The following NUP210L variants were observed in gnomAD, a reference collection of about 807,000 sequenced individuals.
NUP210L encodes the protein nuclear pore membrane glycoprotein 210-like.
A neutral mutation model predicts 208.5 loss-of-function variants in NUP210L; 74 were observed. That is an observed-to-expected ratio of 0.35 (90% CI 0.29 to 0.43). NUP210L has a LOEUF of 0.43. Ranked by LOEUF, NUP210L falls within the 20% of genes least tolerant of loss-of-function variation. The pLI, the probability that NUP210L is intolerant of heterozygous loss-of-function variation, is 1.00. For missense variants in NUP210L, 1,843 were observed against 2,289.4 expected (o/e 0.81, Z 3.98); for synonymous variants, 780 against 816.9 (o/e 0.95, Z 0.77).
chr1:154,152,836 A>G, exon 2 of NUP210L: 1 of 1,614,036 alleles, frequency 6.2e-7, no homozygotes, highest in East Asian at 2.2e-5. Flanking sequence ...TTTCATATAA[A>G]GGCTCAACAG....
chr1:154,151,297 A>C (rs1039938095), intron 2 of NUP210L, among the ~76,000 whole-genome samples: 2 of 122,390 alleles, frequency 1.6e-5, no homozygotes, highest in African/African-American at 9.2e-5. Flanking sequence ...TGATTCTTAG[A>C]CACTCGTTTT....
chr1:154,006,967 T>TATATA (rs57242105), intron 35 of NUP210L, among the ~76,000 whole-genome samples: 184 of 94,876 alleles, frequency 1.9e-3, no homozygotes, highest in Non-Finnish European at 2.8e-3. Flanking sequence ...TATATATATA[T>TATATA]TTTTTTTTTT....
chr1:154,106,004 T>C (rs1437637187), intron 12 of NUP210L, among the ~76,000 whole-genome samples: 1 of 152,116 alleles, frequency 6.6e-6, no homozygotes, highest in African/African-American at 2.4e-5. Flanking sequence ...CTTACACCTG[T>C]AATCCCAACA....
intron 12 of NUP210L, among the ~76,000 whole-genome samples, chr1:154,117,087 T>C (rs1395561138): frequency 6.6e-6 from 1 of 152,228 alleles, no homozygotes; most frequent in East Asian, 1.9e-4. Context: ...ACATGTGTTT[T>C]TATAATTAGT....
rs1242884410 is a variant in NUP210L, at chr1:154,046,277, C to T, written c.3564+12G>A. 3 of 1,614,070 alleles carry T rather than the reference C, an allele frequency of 1.9e-6. No individual in the cohort carries two copies. The highest frequency in any genetic ancestry group is 1.1e-5 in the South Asian group (1 of 91,078). Reference sequence around the variant, plus strand: ...CAGAATAATGAGCCCTGAACAGAGCCATCATACTGACCTTGGTAGCTGTGA... The same window carrying T: ...CAGAATAATGAGCCCTGAACAGAGCTATCATACTGACCTTGGTAGCTGTGA... On this transcript the variant is annotated intron_variant, in intron 26 of 39. Coordinates refer to ENST00000368559, the Ensembl canonical transcript of NUP210L.
At chr1:154,151,291 T>A (rs1659367954) in intron 2 of NUP210L, among the ~76,000 whole-genome samples, 1 of 150,956 alleles carries the variant, frequency 6.6e-6, no homozygotes, top group Non-Finnish European at 1.5e-5. Flanking sequence ...TTTCATTGAT[T>A]CTTAGACACT....
chr1:154,143,521 T>C (rs1383141370), exon 3 of NUP210L: 1 of 1,613,908 alleles, frequency 6.2e-7, no homozygotes, highest in East Asian at 2.2e-5. Context: ...CGAGATACAA[T>C]TTCAATGCTG....
intron 25 of NUP210L, among the ~76,000 whole-genome samples, chr1:154,053,737 C>T (rs1482596446): frequency 6.6e-6 from 1 of 152,180 alleles, no homozygotes; most frequent in African/African-American, 2.4e-5. Context: ...AGAAACAATG[C>T]TTATCACTGG....
At position 154,002,940 on chromosome 1, in the gene NUP210L, C is replaced by G. The variant is rs558558167; in HGVS notation, c.4931-955G>C. On this transcript the variant is annotated intron_variant, in intron 35 of 39. Coordinates refer to ENST00000368559, the Ensembl canonical transcript of NUP210L. ...TAATAACTTATGTATCAGACCACCT[C>G]TTGGTGTCATTATTTTTATCAATGG... Among the ~76,000 whole-genome samples, 5 of 151,504 alleles carry G rather than the reference C, an allele frequency of 3.3e-5. No individual in the cohort carries two copies. In the South Asian group the frequency reaches 1.0e-3, roughly 32 times the overall value.
chr1:154,127,693 G>A (rs1035816428), intron 8 of NUP210L, among the ~76,000 whole-genome samples: 1 of 151,362 alleles, frequency 6.6e-6, no homozygotes, highest in African/African-American at 2.4e-5. Flanking sequence ...TGGGATTATC[G>A]GTGTGCGTTA....
At chr1:153,998,741 A>G (rs1008916167) in intron 37 of NUP210L, among the ~76,000 whole-genome samples, 1 of 135,116 alleles carries the variant, frequency 7.4e-6, no homozygotes, top group African/African-American at 2.9e-5. Context: ...AATTCCTGAG[A>G]CAGGGTCTCG....
chr1:154,092,107 G>C (rs368762107), intron 15 of NUP210L, among the ~76,000 whole-genome samples: 1 of 137,588 alleles, frequency 7.3e-6, no homozygotes, highest in African/African-American at 2.7e-5. Flanking sequence ...ACGGAGTCTC[G>C]CTCTGTCGCC....
chr1:154,037,608 G>A (rs1012767203), intron 27 of NUP210L, among the ~76,000 whole-genome samples: 1 of 152,074 alleles, frequency 6.6e-6, no homozygotes, highest in Non-Finnish European at 1.5e-5. Context: ...GCAACAGATT[G>A]TTGGATCTTA....
At chr1:154,096,054 T>C (rs1348071321) in intron 14 of NUP210L, among the ~76,000 whole-genome samples, 3 of 152,142 alleles carry the variant, frequency 2.0e-5, no homozygotes, top group African/African-American at 7.2e-5. Context: ...CATCAACCCA[T>C]CATGTACGTT....
rs144754644 is a variant in NUP210L at position 154,087,090 on chromosome 1, C to T, written c.2361+2331G>A. ...ATCCCAGCACTTTGGGAGGCCGAGG[C>T]GGGTGGATCAGCTGAGGTCAGGAGT... On this transcript the variant is annotated intron_variant, in intron 16 of 39. Transcript: ENST00000368559. 3.3e-3 allele frequency among the ~76,000 whole-genome samples: 508 copies of T among 152,086 alleles called. 8 individuals are homozygous for T. In the East Asian group the frequency reaches 0.036, roughly 11 times the overall value.
At chr1:154,139,122 G>C (rs778765347) in intron 5 of NUP210L, among the ~76,000 whole-genome samples, 8 of 152,094 alleles carry the variant, frequency 5.3e-5, no homozygotes, top group Non-Finnish European at 8.8e-5. Flanking sequence ...ACAAAAATTA[G>C]TTGGGCATGG....
At chr1:154,053,447 C>T (rs1024097675) in intron 25 of NUP210L, among the ~76,000 whole-genome samples, 1 of 152,184 alleles carries the variant, frequency 6.6e-6, no homozygotes, top group East Asian at 1.9e-4. Flanking sequence ...CCAAATCTGG[C>T]CATAAACTGG....
intron 36 of NUP210L, among the ~76,000 whole-genome samples, 199 bp downstream of exon 36, chr1:154,001,536 G>A (rs1650212780): frequency 6.6e-6 from 1 of 152,090 alleles, no homozygotes; most frequent in South Asian, 2.1e-4. Flanking sequence ...TGTTGACAAA[G>A]CTTATGACCT....
At chr1:154,047,342 T>A (rs554328492) in intron 25 of NUP210L, among the ~76,000 whole-genome samples, 3 of 152,326 alleles carry the variant, frequency 2.0e-5, no homozygotes, top group South Asian at 2.1e-4. Flanking sequence ...TGTATGCCTA[T>A]ATCAAAATAA....
Sources: allele counts gnomAD v4.1 joint callset (sites outside exome capture counted in the v4.1 genomes callset), GRCh38; gene constraint gnomAD v4.1.1; transcripts MANE v1.5; gene names NCBI Gene and HGNC (gene_info 2026-07-23, HGNC 2026-07-21).